The following PBX1 variants were observed in gnomAD, a reference collection of about 807,000 sequenced individuals.
PBX1 encodes pre-B-cell leukemia transcription factor 1.
A neutral mutation model predicts 53.4 loss-of-function variants in PBX1; 6 were observed. That is an observed-to-expected ratio of 0.11 (90% confidence interval 0.06 to 0.22). The LOEUF (loss-of-function observed/expected upper bound fraction) is 0.22, where lower values mean the gene tolerates loss of function less well. Among genes scored for constraint, PBX1 ranks in the 10% least tolerant of loss-of-function variants. PBX1 has a pLI of 1.00. For missense variants in PBX1, 251 were observed against 551.4 expected, an observed-to-expected ratio of 0.46 and a Z score of 5.46; for synonymous variants, 204 against 212.3, an observed-to-expected ratio of 0.96 and a Z score of 0.34.
chr1:164,680,802 G>A (rs1661719389), intron 2 of PBX1: 1 of 152,184 alleles, frequency 6.6e-6, no homozygotes, highest in South Asian at 2.1e-4. Flanking sequence ...CATTCAAATA[G>A]TTGAAGACTT....
chr1:164,630,762 C>T (rs1169611447), intron 2 of PBX1, among the ~76,000 whole-genome samples: 1 of 152,178 alleles, frequency 6.6e-6, no homozygotes, highest in African/African-American at 2.4e-5. Context: ...TTGCATTGCC[C>T]CTACCAGGTA....
At chr1:164,590,109 A>C (rs1655259322) in intron 2 of PBX1, among the ~76,000 whole-genome samples, 2 of 151,482 alleles carry the variant, frequency 1.3e-5, no homozygotes, top group African/African-American at 4.9e-5. Flanking sequence ...GCTACTCGGG[A>C]GGCTGAGGTG....
At chr1:164,697,148 T>G (rs1291862093) in intron 2 of PBX1, among the ~76,000 whole-genome samples, 1 of 152,194 alleles carries the variant, frequency 6.6e-6, no homozygotes, top group Non-Finnish European at 1.5e-5. Context: ...ATTATCTCGT[T>G]TAATCCTCCC....
rs543923749 is a variant in PBX1, at chr1:164,592,422, C to T, written c.265+29111C>T. ...CCCAACTTTCCAAAGTTAAGATCAT[C>T]CCTGGCAGGCCTTTAATTCTCAAGG... On this transcript the variant is annotated intron_variant, in intron 2 of 8. Coordinates refer to ENST00000420696, the MANE Select transcript of PBX1 (RefSeq NM_002585.4). Among the ~76,000 whole-genome samples the T allele has an allele frequency of 4.9e-4, 75 of 152,324 alleles. 1 individual carries two copies. The South Asian group carries it at 6.6e-3, about 13-fold the overall frequency.
At chr1:164,597,005 G>C (rs1655807896) in intron 2 of PBX1, among the ~76,000 whole-genome samples, 1 of 152,128 alleles carries the variant, frequency 6.6e-6, no homozygotes, top group African/African-American at 2.4e-5. Flanking sequence ...TCAGTTACTT[G>C]CATGCACCCT....
chr1:164,725,187 G>A (rs1444270340), intron 2 of PBX1, among the ~76,000 whole-genome samples: 1 of 152,086 alleles, frequency 6.6e-6, no homozygotes, highest in African/African-American at 2.4e-5. Context: ...TCTTTGTCAG[G>A]CCTTTCAGAG....
chr1:164,821,506 A>G, intron 7 of PBX1, 31 bp from the exon 8 acceptor site: 1 of 1,571,468 alleles, frequency 6.4e-7, no homozygotes, highest in South Asian at 1.1e-5. Flanking sequence ...TCTCTGACTA[A>G]TTTTCTCTCT....
chr1:164,757,641 G>C (rs1343772443), intron 2 of PBX1, among the ~76,000 whole-genome samples: 2 of 151,646 alleles, frequency 1.3e-5, no homozygotes, highest in South Asian at 2.1e-4. Flanking sequence ...CAGTCAATTG[G>C]GTATTGACAA....
At chr1:164,775,604 G>C (rs1319111192) in intron 2 of PBX1, among the ~76,000 whole-genome samples, 1 of 152,198 alleles carries the variant, frequency 6.6e-6, no homozygotes, top group Non-Finnish European at 1.5e-5. Flanking sequence ...TCATGGAGGA[G>C]GAAGTGCATT....
chr1:164,565,129 T>G (rs1295229793), intron 2 of PBX1, among the ~76,000 whole-genome samples: 1 of 152,080 alleles, frequency 6.6e-6, no homozygotes, highest in Non-Finnish European at 1.5e-5. Context: ...GGCAGTAGAT[T>G]AAAGTGGGTG....
chr1:164,585,134 A>G (rs748763715), intron 2 of PBX1, among the ~76,000 whole-genome samples: 2 of 152,216 alleles, frequency 1.3e-5, no homozygotes, highest in Non-Finnish European at 2.9e-5. Context: ...TGGAATGGAC[A>G]TCTTTCTGGG....
chr1:164,863,407 C>A (rs1028409292), intron 2 of PBX1, among the ~76,000 whole-genome samples: 1 of 152,130 alleles, frequency 6.6e-6, no homozygotes, highest in African/African-American at 2.4e-5. Flanking sequence ...CTACTGTGAA[C>A]CAGGCATTGT....
intron 2 of PBX1, among the ~76,000 whole-genome samples, chr1:164,687,775 G>A (rs893122060): frequency 6.6e-6 from 1 of 152,150 alleles, no homozygotes; most frequent in Admixed American, 6.5e-5. Context: ...AACATAACCA[G>A]CATTGGCTTC....
intron 5 of PBX1, among the ~76,000 whole-genome samples, chr1:164,809,314 A>G (rs923910704): frequency 1.3e-5 from 2 of 152,180 alleles, no homozygotes; most frequent in Admixed American, 1.3e-4. Context: ...AACTCAAGGT[A>G]CAAATAGTGT....
intron 8 of PBX1, among the ~76,000 whole-genome samples, chr1:164,835,634 T>C (rs541710943): frequency 1.7e-4 from 26 of 152,356 alleles, no homozygotes; most frequent in Middle Eastern, 3.4e-3. Flanking sequence ...TCTTTTCTTA[T>C]TGATTTCTAA....
At chr1:164,683,412 G>A (rs1387515189) in intron 2 of PBX1, 1 of 152,114 alleles carries the variant, frequency 6.6e-6, no homozygotes, top group Non-Finnish European at 1.5e-5. Context: ...TTATTATCTT[G>A]ACTTACGCAA....
Position 164,849,325 on chromosome 1 carries a change from C to T in PBX1, c.*2649C>T, listed in dbSNP as rs1357177381. On this transcript the variant is annotated 3_prime_UTR_variant, in exon 9 of 9. Coordinates refer to ENST00000420696, the MANE Select transcript of PBX1 (RefSeq NM_002585.4). ...TTCCCCAACCAGCATTTCACTTAGTCTTCTCTATACCCAGCACCTCCCCCG... is the reference window on the plus strand; with the variant it reads ...TTCCCCAACCAGCATTTCACTTAGTTTTCTCTATACCCAGCACCTCCCCCG... The T allele has an allele frequency of 8.3e-5, 128 of 1,535,536 alleles. No individual in the cohort carries two copies. Among genetic ancestry groups the T allele is most frequent in the Middle Eastern group, 1.7e-4 (1 of 5,982 alleles).
In PBX1 at chr1:164,767,674, T is replaced by C. The variant is rs183428151; in HGVS notation, c.266-24820T>C. Among the ~76,000 whole-genome samples, 225 of 152,046 alleles carry C rather than the reference T, an allele frequency of 1.5e-3. 2 individuals are homozygous for C. Among genetic ancestry groups the C allele is most frequent in the African/African-American group, 5.1e-3 (213 of 41,492 alleles). Reference sequence around the variant, plus strand: ...CAAAAAAAGAAAAAAAAAAAAGGCTTTCTGTACTCACTGCCAACTCAGATT... The same window carrying C: ...CAAAAAAAGAAAAAAAAAAAAGGCTCTCTGTACTCACTGCCAACTCAGATT... On this transcript the variant is annotated intron_variant, in intron 2 of 8. Transcript: ENST00000420696.
At chr1:164,578,504 T>C (rs1313188111) in intron 2 of PBX1, among the ~76,000 whole-genome samples, 3 of 152,222 alleles carry the variant, frequency 2.0e-5, no homozygotes, top group Non-Finnish European at 4.4e-5. Context: ...TTAGCAAATA[T>C]TTGTGAAACT....
Sources: gnomAD v4.1 joint callset for allele counts (sites outside exome capture counted in the v4.1 genomes callset) on GRCh38, gnomAD v4.1.1 for gene constraint, MANE v1.5 for transcripts, NCBI Gene and HGNC (gene_info 2026-07-23, HGNC 2026-07-21) for gene names.